The following SEL1L2 variants were observed in gnomAD, a reference collection of about 807,000 sequenced individuals.
SEL1L2 encodes the protein protein sel-1 homolog 2.
A neutral mutation model predicts 98.8 loss-of-function variants in SEL1L2; 89 were observed. The ratio of observed to expected loss-of-function variants is 0.90; its 90% CI spans 0.76 to 1.07. The LOEUF is 1.07. SEL1L2 is among the 50% of genes least tolerant of loss of function. The pLI, the probability that SEL1L2 is intolerant of heterozygous loss-of-function variation, is 0.00. For missense variants in SEL1L2, 788 were observed against 812.0 expected (o/e 0.97, Z 0.36); for synonymous variants, 262 against 278.5 (o/e 0.94, Z 0.59).
At chr20:13,953,407 C>T (rs1409217498) in intron 2 of SEL1L2, among the ~76,000 whole-genome samples, 1 of 152,202 alleles carries the variant, frequency 6.6e-6, no homozygotes, top group Non-Finnish European at 1.5e-5. Flanking sequence ...GCTCCAATGC[C>T]ATTCCCCCAG....
chr20:13,907,678 T>TTTTC (rs1383302256), intron 5 of SEL1L2, among the ~76,000 whole-genome samples: 1 of 151,036 alleles, frequency 6.6e-6, no homozygotes, highest in Non-Finnish European at 1.5e-5. Context: ...TAATTTCTCT[T>TTTTC]TTTCTCTTTC....
intron 18 of SEL1L2, among the ~76,000 whole-genome samples, chr20:13,856,034 G>A (rs995081601): frequency 1.3e-5 from 2 of 152,178 alleles, no homozygotes; most frequent in African/African-American, 4.8e-5. Context: ...CTGAGCCAAG[G>A]TACAGACAGA....
chr20:13,850,470 G>A (rs1180592803), intron 18 of SEL1L2, 151 bp from the exon 19 acceptor site: 1 of 823,770 alleles, frequency 1.2e-6, no homozygotes, highest in African/African-American at 1.7e-5. Context: ...ATAATCAAAT[G>A]AACCTTTAAA....
At chr20:13,953,511 G>A (rs953568909) in intron 2 of SEL1L2, among the ~76,000 whole-genome samples, 1 of 152,160 alleles carries the variant, frequency 6.6e-6, no homozygotes, top group Non-Finnish European at 1.5e-5. Context: ...CTTCTGCAGA[G>A]GGGGGAATGA....
chr20:13,973,071 C>T (rs1005463334), intron 1 of SEL1L2, among the ~76,000 whole-genome samples: 26 of 152,120 alleles, frequency 1.7e-4, no homozygotes, highest in Non-Finnish European at 3.5e-4. Context: ...TGTATCACCT[C>T]CCTGTCTGTT....
rs1341667848 is a variant in SEL1L2 at position 13,909,398 on chromosome 20, A to C, written c.549+4384T>G. ...TTGCACAAGGAAATACACCAACTGC[A>C]AGGGGACTTGCTACTGGAAACAGAT... On this transcript the variant is annotated intron_variant, in intron 5 of 19. Coordinates refer to ENST00000284951, the MANE Select transcript of SEL1L2 (RefSeq NM_025229.2). 5.9e-5 allele frequency among the ~76,000 whole-genome samples: 9 copies of C among 152,338 alleles called. No homozygotes were observed. In the East Asian group the frequency reaches 1.7e-3, roughly 29 times the overall value.
intron 11 of SEL1L2, among the ~76,000 whole-genome samples, chr20:13,876,932 T>C (rs988994524): frequency 2.0e-5 from 3 of 152,126 alleles, no homozygotes; most frequent in African/African-American, 7.2e-5. Flanking sequence ...CAAGTGATTC[T>C]CCTGCCTCAG....
intron 12 of SEL1L2, among the ~76,000 whole-genome samples, chr20:13,870,461 G>A (rs543262322): frequency 6.6e-6 from 1 of 152,284 alleles, no homozygotes; most frequent in Non-Finnish European, 1.5e-5. Flanking sequence ...TTTTGTGTAT[G>A]ATTCCATAGT....
In SEL1L2 at chr20:13,931,629, T is replaced by C; in HGVS notation, c.257A>G (p.Asp86Gly). The change falls in exon 3 of 20, where the codon GAT (aspartate) becomes GGT (glycine). Residue 86 changes from aspartate (D) to glycine (G), a missense_variant. Coordinates refer to ENST00000284951, the MANE Select transcript of SEL1L2 (RefSeq NM_025229.2). ...ATGATTCTTATTTCTCTTCAAGATA[T>C]CTTTATTTTGAATTCCTTTTATTCT... ...KIRIKGIQNK[D>G]ILKRNKNHLQ... is the part of the protein sequence containing the mutation. 1.4e-6 allele frequency: 2 copies of C among 1,431,462 alleles called. No individual in the cohort carries two copies. Among genetic ancestry groups the C allele is most frequent in the Non-Finnish European group, 9.5e-7 (1 of 1,048,964 alleles). 88.7% of individuals were successfully genotyped at this position (1,431,462 alleles called of 1,614,324 possible).
At chr20:13,903,761 G>C (rs1163960975) in intron 5 of SEL1L2, among the ~76,000 whole-genome samples, 1 of 152,070 alleles carries the variant, frequency 6.6e-6, no homozygotes, top group African/African-American at 2.4e-5. Flanking sequence ...GTTGCAGTGA[G>C]CCAAGATCAT....
At chr20:13,875,264 C>A (rs779150081) in intron 12 of SEL1L2, among the ~76,000 whole-genome samples, 1 of 152,104 alleles carries the variant, frequency 6.6e-6, no homozygotes, top group Non-Finnish European at 1.5e-5. Flanking sequence ...GCCAGCATGC[C>A]AGGCTAATTT....
intron 3 of SEL1L2, among the ~76,000 whole-genome samples, chr20:13,923,993 T>C (rs1263392067): frequency 2.0e-5 from 3 of 152,220 alleles, no homozygotes; most frequent in Non-Finnish European, 4.4e-5. Context: ...GAGATTATGT[T>C]GATGGATACA....
intron 5 of SEL1L2, among the ~76,000 whole-genome samples, chr20:13,893,081 G>A (rs1358099922): frequency 2.0e-5 from 3 of 152,136 alleles, no homozygotes; most frequent in Non-Finnish European, 4.4e-5. Flanking sequence ...CCTCCCAACT[G>A]AACACCTGGA....
At chr20:13,965,822 A>G (rs922504601) in intron 1 of SEL1L2, among the ~76,000 whole-genome samples, 1 of 151,980 alleles carries the variant, frequency 6.6e-6, no homozygotes, top group Non-Finnish European at 1.5e-5. Context: ...GTGTGGTGGC[A>G]TGCGCCTGTA....
In SEL1L2 at chr20:13,917,786, CTTTTTTTTT is replaced by C. The variant is rs5840588; in HGVS notation, c.386+1226_386+1234del. 3.4e-3 allele frequency among the ~76,000 whole-genome samples: 170 copies of C among 50,124 alleles called. 1 individual carries two copies. Among genetic ancestry groups the C allele is most frequent in the African/African-American group, 0.013 (138 of 11,040 alleles). The allele number at this position is 50,124 out of a possible 152,430, so 32.9% of individuals were successfully genotyped here. A position where few individuals can be genotyped will look rare whatever the true frequency, so the allele number is the denominator to read the frequency against. On this transcript the variant is annotated intron_variant, in intron 4 of 19. Transcript: ENST00000284951. ...CCATACTTTCTTTATTTCTTTCTTT[CTTTTTTTTT>C]TTTTTTTTTTTTTTTTTTTTGAGAT...
At chr20:13,921,914 A>C (rs996910090) in intron 3 of SEL1L2, among the ~76,000 whole-genome samples, 1 of 152,100 alleles carries the variant, frequency 6.6e-6, no homozygotes, top group Non-Finnish European at 1.5e-5. Flanking sequence ...CAGTGCCTAC[A>C]TCACCTCATT....
chr20:13,902,182 G>A (rs1243846400), intron 5 of SEL1L2, among the ~76,000 whole-genome samples: 4 of 151,916 alleles, frequency 2.6e-5, no homozygotes, highest in African/African-American at 7.3e-5. Flanking sequence ...TACTCAATTT[G>A]GTCCAGTGTC....
intron 5 of SEL1L2, among the ~76,000 whole-genome samples, chr20:13,895,935 G>T (rs2047403641): frequency 6.6e-6 from 1 of 152,152 alleles, no homozygotes; most frequent in Non-Finnish European, 1.5e-5. Context: ...CATTTTGGTA[G>T]GCTGAGGCGG....
chr20:13,860,642 T>TC (rs947976549), intron 17 of SEL1L2, among the ~76,000 whole-genome samples: 1 of 152,030 alleles, frequency 6.6e-6, no homozygotes, highest in Admixed American at 6.6e-5. Flanking sequence ...CTCCTTTTTT[T>TC]CTCTTTCTTC....
Sources: gnomAD v4.1 joint callset for allele counts (sites outside exome capture counted in the v4.1 genomes callset) on GRCh38, gnomAD v4.1.1 for gene constraint, MANE v1.5 for transcripts, NCBI Gene and HGNC (gene_info 2026-07-23, HGNC 2026-07-21) for gene names.